The following AKR1C1 variants were observed in gnomAD, a reference collection of about 807,000 sequenced individuals.
AKR1C1 encodes aldo-keto reductase family 1 member C1.
Under a neutral mutation model 40.6 loss-of-function variants are expected in AKR1C1, and 32 were observed. The observed-to-expected ratio is 0.79, with a 90% CI of 0.60 to 1.06. The LOEUF is 1.06. Among genes scored for constraint, AKR1C1 ranks in the 50% least tolerant of loss-of-function variants. The pLI, the probability that AKR1C1 is intolerant of heterozygous loss-of-function variation, is 0.00. For synonymous variants in AKR1C1, 105 were observed against 134.2 expected, an observed-to-expected ratio of 0.78 and a Z score of 1.50; for missense variants, 320 against 363.5, an observed-to-expected ratio of 0.88 and a Z score of 0.97.
intron 5 of AKR1C1, among the ~76,000 whole-genome samples, chr10:4,970,995 C>G (rs185528183): frequency 1.4e-4 from 22 of 151,840 alleles, no homozygotes; most frequent in Non-Finnish European, 3.1e-4. Flanking sequence ...TAACAGTGGT[C>G]AGATCTGTTG....
At chr10:4,969,525 C>G in intron 5 of AKR1C1, 1 of 722,668 alleles carries the variant, frequency 1.4e-6, no homozygotes, top group Non-Finnish European at 2.3e-6. Context: ...GATATCTGTT[C>G]ACAGTGGATG....
At chr10:4,973,651 T>C (rs1174316330) in intron 7 of AKR1C1, among the ~76,000 whole-genome samples, 3 of 152,156 alleles carry the variant, frequency 2.0e-5, no homozygotes, top group Non-Finnish European at 4.4e-5. Flanking sequence ...CACCACCTCT[T>C]GTTGGAAGGA....
chr10:4,977,775 G>A lies in AKR1C1; in HGVS notation c.*33G>A, dbSNP rs369368313. The A allele has an allele frequency of 3.9e-5, 61 of 1,564,934 alleles. No homozygotes were observed. The highest frequency in any genetic ancestry group is 3.8e-5 in the Non-Finnish European group (43 of 1,138,004). On this transcript the variant is annotated 3_prime_UTR_variant, in exon 9 of 9. Coordinates refer to ENST00000380872, the MANE Select transcript of AKR1C1 (RefSeq NM_001353.6). ...GGCATTGCATGAGGTCTGCCAGAAG[G>A]CCCTGCGTGTGGATGGTGACACAGA...
chr10:4,983,237 A>G lies in AKR1C1; in HGVS notation c.*5495A>G, dbSNP rs1481246398. 1.7e-5 allele frequency: 3 copies of G among 175,118 alleles called. No homozygotes were observed. Among genetic ancestry groups the G allele is most frequent in the African/African-American group, 7.2e-5 (3 of 41,848 alleles). 10.8% of individuals were successfully genotyped at this position (175,118 alleles called of 1,614,324 possible). On this transcript the variant is annotated 3_prime_UTR_variant, in exon 9 of 9. Coordinates refer to ENST00000380872, the MANE Select transcript of AKR1C1 (RefSeq NM_001353.6). ...CAACATTCAGGCGGAGCCCAGGCCA[A>G]TTTTCTAAACATGGAATATGAGTTA...
rs201229586 is a variant in AKR1C1 at position 4,972,663 on chromosome 10, C to G, written c.760C>G (p.Leu254Val). Residue 254 changes from leucine (L) to valine (V), a missense_variant, in exon 7 of 9, where the codon CTG becomes GTG. By Grantham distance (32) the Leu-to-Val change is conservative. Transcript: ENST00000380872. ...LAKKHKRTPA[L>V]IALRYQLQRG... Reference sequence around the variant, plus strand: ...AAAAAAGCACAAGCGAACCCCAGCCCTGATTGCCCTGCGCTACCAGCTACA... The same window carrying G: ...AAAAAAGCACAAGCGAACCCCAGCCGTGATTGCCCTGCGCTACCAGCTACA... 9.9e-6 allele frequency: 16 copies of G among 1,612,938 alleles called. No individual in the cohort carries two copies. Among genetic ancestry groups the G allele is most frequent in the Non-Finnish European group, 1.4e-5 (16 of 1,180,046 alleles).
At position 4,971,073 on chromosome 10, in the gene AKR1C1, A is replaced by T. The variant is rs1836419172; in HGVS notation, c.571-1128A>T. Among the ~76,000 whole-genome samples, 3 of 152,090 alleles carry T rather than the reference A, an allele frequency of 2.0e-5. No individual in the cohort carries two copies. In the South Asian group the frequency reaches 6.2e-4, roughly 32 times the overall value. On this transcript the variant is annotated intron_variant, in intron 5 of 8. Transcript: ENST00000380872. Reference sequence around the variant, plus strand: ...CTGGGGGATAATTCTCAACAGAAGAAGTCATATTCCCATGACAAATTTTCA... The same window carrying T: ...CTGGGGGATAATTCTCAACAGAAGATGTCATATTCCCATGACAAATTTTCA...
At chr10:4,966,195 T>G in intron 2 of AKR1C1, 114 bp downstream of exon 2, 6 of 1,493,784 alleles carry the variant, frequency 4.0e-6, no homozygotes, top group Non-Finnish European at 5.4e-6. Flanking sequence ...TTATTACGAT[T>G]TATTCACACT....
rs1418119813 is a variant in AKR1C1 at position 4,977,889 on chromosome 10, G to A, written c.*147G>A. 3 of 1,208,930 alleles carry A rather than the reference G, an allele frequency of 2.5e-6. No individual in the cohort carries two copies. The highest frequency in any genetic ancestry group is 3.0e-5 in the South Asian group (2 of 66,950). The allele number at this position is 1,208,930 out of a possible 1,614,324, so 74.9% of individuals were successfully genotyped here. On this transcript the variant is annotated 3_prime_UTR_variant, in exon 9 of 9. Coordinates refer to ENST00000380872, the MANE Select transcript of AKR1C1 (RefSeq NM_001353.6). The stretch of plus-strand genomic sequence containing the variant: ...TCAGCAAGCTACAGCAAAGCCCATT[G>A]GCCAGAAAGGAAAGACAATAATTTT...
rs782089293 is a variant in AKR1C1 at position 4,977,696 on chromosome 10, C to G, written c.930-4C>G. On this transcript the variant is annotated splice_region_variant and splice_polypyrimidine_tract_variant and intron_variant, in intron 8 of 8. Coordinates refer to ENST00000380872, the MANE Select transcript of AKR1C1 (RefSeq NM_001353.6). ...AGAGTGTGCATTTTTTTTTCTCTTT[C>G]CAGTTTTGCTGGCCCCCCTAATTAT... The G allele has an allele frequency of 3.1e-6, 5 of 1,608,450 alleles. No homozygotes were observed. In the East Asian group the frequency reaches 6.7e-5, roughly 22 times the overall value.
At chr10:4,965,648 A>C (rs1194442808) in intron 1 of AKR1C1, 2 of 361,560 alleles carry the variant, frequency 5.5e-6, no homozygotes, top group South Asian at 1.3e-4. Context: ...TTTTCCAAAA[A>C]ATGACTGAAC....
intron 1 of AKR1C1, among the ~76,000 whole-genome samples, chr10:4,964,318 T>C (rs1005809724): frequency 6.6e-6 from 1 of 152,204 alleles, no homozygotes; most frequent in Non-Finnish European, 1.5e-5. Flanking sequence ...TTCTGATCTA[T>C]ACAATATAAG....
In AKR1C1 at chr10:4,969,730, T is replaced by C. The variant is rs756980796; in HGVS notation, c.570+786T>C. On this transcript the variant is annotated intron_variant, in intron 5 of 8. Transcript: ENST00000380872. ...CCTGACTGGTGATTCCAGGCCTCCT[T>C]GATCAAATTGACTGTCCCCAAATGT... 32 of 1,611,850 alleles carry C rather than the reference T, an allele frequency of 2.0e-5. No individual in the cohort carries two copies. In the African/African-American group the frequency reaches 4.3e-4, roughly 22 times the overall value.
rs1306712483 is a variant in AKR1C1 at position 4,977,760 on chromosome 10, G to A, written c.*18G>A. ...AATATTAACATGGAGGGCATTGCAT[G>A]AGGTCTGCCAGAAGGCCCTGCGTGT... On this transcript the variant is annotated 3_prime_UTR_variant, in exon 9 of 9. Coordinates refer to ENST00000380872, the MANE Select transcript of AKR1C1 (RefSeq NM_001353.6). The A allele has an allele frequency of 2.5e-6, 4 of 1,607,000 alleles. No individual in the cohort carries two copies. The highest frequency in any genetic ancestry group is 1.3e-5 in the African/African-American group (1 of 74,504).
Position 4,979,353 on chromosome 10 carries a change from T to C in AKR1C1, c.*1611T>C, listed in dbSNP as rs1836579702. On this transcript the variant is annotated 3_prime_UTR_variant, in exon 9 of 9. Coordinates refer to ENST00000380872, the MANE Select transcript of AKR1C1 (RefSeq NM_001353.6). ...CAGATTTTTCCTCCAAATTCTGCAA[T>C]AGAAGATCACAATGTGAACTCTGCA... 2.0e-5 allele frequency: 3 copies of C among 152,208 alleles called. No individual in the cohort carries two copies. The highest frequency in any genetic ancestry group is 2.9e-5 in the Non-Finnish European group (2 of 68,032). The allele number at this position is 152,208 out of a possible 1,614,324, so 9.4% of individuals were successfully genotyped here. A position where few individuals can be genotyped will look rare whatever the true frequency, so the allele number is the denominator to read the frequency against.
rs1295455925 is a variant in AKR1C1 at position 4,966,666 on chromosome 10, T to A, written c.253-261T>A. On this transcript the variant is annotated intron_variant, in intron 2 of 8. Coordinates refer to ENST00000380872, the MANE Select transcript of AKR1C1 (RefSeq NM_001353.6). ...TACCAAAGATAATTCAGATAATGGG[T>A]ATGCTTATGATTTGATAACAACTTT... Among the ~76,000 whole-genome samples the A allele has an allele frequency of 7.9e-5, 12 of 152,236 alleles. 1 individual carries two copies. Among genetic ancestry groups the A allele is most frequent in the Admixed American group, 7.2e-4 (11 of 15,286 alleles).
rs1183864120 is a variant in AKR1C1, at chr10:4,965,211, C to A, written c.85-703C>A. On this transcript the variant is annotated intron_variant, in intron 1 of 8. Coordinates refer to ENST00000380872, the MANE Select transcript of AKR1C1 (RefSeq NM_001353.6). ...GAATCACAGGAGCTTACACTGTATT[C>A]CTTCATATTTCCTTCCATGTGGCTA... Among the ~76,000 whole-genome samples, 2 of 148,554 alleles carry A rather than the reference C, an allele frequency of 1.3e-5. 1 individual carries two copies. The highest frequency in any genetic ancestry group is 4.0e-4 in the East Asian group (2 of 4,952).
chr10:4,969,625 A>C, intron 5 of AKR1C1: 1 of 1,593,884 alleles, frequency 6.3e-7, no homozygotes, highest in Non-Finnish European at 8.5e-7. Context: ...GGAGTCTGTC[A>C]TGCAATCAGC....
chr10:4,976,794 A>T (rs542338377), intron 8 of AKR1C1, among the ~76,000 whole-genome samples: 1 of 152,234 alleles, frequency 6.6e-6, no homozygotes, highest in Non-Finnish European at 1.5e-5. Flanking sequence ...ATGTGTGAAA[A>T]AAACAAGCAC....
In AKR1C1 at chr10:4,978,090, T is replaced by C. The variant is rs1385805098; in HGVS notation, c.*348T>C. On this transcript the variant is annotated 3_prime_UTR_variant, in exon 9 of 9. Transcript: ENST00000380872. ...TTAACAACCATTTAAGATTCATTTC[T>C]GCAGTGGGAGTGGGTGGAGTTTCAC... is the stretch of plus-strand genomic sequence containing the variant. 1 of 257,368 alleles carries C rather than the reference T, an allele frequency of 3.9e-6. No individual in the cohort carries two copies. Among genetic ancestry groups the C allele is most frequent in the Non-Finnish European group, 7.3e-6 (1 of 136,682 alleles). The allele number at this position is 257,368 out of a possible 1,614,324, so 15.9% of individuals were successfully genotyped here. A position where few individuals can be genotyped will look rare whatever the true frequency, so the allele number is the denominator to read the frequency against.
Sources: gnomAD v4.1 joint callset for allele counts (sites outside exome capture counted in the v4.1 genomes callset) on GRCh38, gnomAD v4.1.1 for gene constraint, MANE v1.5 for transcripts, NCBI Gene and HGNC (gene_info 2026-07-23, HGNC 2026-07-21) for gene names.